IGF2BP2: variants seen among roughly 807,000 people sequenced by gnomAD.
The protein encoded by IGF2BP2 is insulin like growth factor 2 mRNA binding protein 2, also known as insulin-like growth factor 2 mRNA-binding protein 2.
IGF2BP2 carries 17 observed loss-of-function variants against 75.8 expected under a neutral mutation model. That is an observed-to-expected ratio of 0.22 (90% CI 0.15 to 0.34). IGF2BP2 has a LOEUF of 0.34. Ranked by LOEUF, IGF2BP2 falls within the 10% of genes least tolerant of loss-of-function variation. IGF2BP2 has a pLI of 1.00. For synonymous variants in IGF2BP2, 288 were observed against 295.6 expected (o/e 0.97, Z 0.26); for missense variants, 516 against 772.4 (o/e 0.67, Z 3.93).
intron 2 of IGF2BP2, among the ~76,000 whole-genome samples, chr3:185,771,300 G>C (rs965048644): frequency 3.3e-5 from 5 of 152,064 alleles, no homozygotes; most frequent in Non-Finnish European, 5.9e-5. Flanking sequence ...AAATAGCCAG[G>C]TGTGGTGGTG....
chr3:185,672,457 C>T (rs1427798058), intron 10 of IGF2BP2, 84 bp downstream of exon 10: 11 of 1,364,528 alleles, frequency 8.1e-6, no homozygotes, highest in South Asian at 5.5e-5. Flanking sequence ...TGAAAGCTTC[C>T]GTTCTGATTC....
In IGF2BP2 at chr3:185,649,006, C is replaced by G. The variant is rs568305813; in HGVS notation, c.1593+397G>C. Reference sequence around the variant, plus strand: ...TGGTCTGCCAAGTGGGTTAGCATCTCTCTCGGTGGGAATCCCCCCTTTCCA... The same window carrying G: ...TGGTCTGCCAAGTGGGTTAGCATCTGTCTCGGTGGGAATCCCCCCTTTCCA... On this transcript the variant is annotated intron_variant, in intron 14 of 15. Transcript: ENST00000382199. Among the ~76,000 whole-genome samples the G allele has an allele frequency of 5.3e-5, 8 of 152,008 alleles. No homozygotes were observed. The South Asian group carries it at 1.2e-3, about 24-fold the overall frequency.
Position 185,647,242 on chromosome 3 carries a change from G to T in IGF2BP2, c.1594-104C>A. 1.2e-6 allele frequency: 1 copy of T among 827,914 alleles called. No individual in the cohort carries two copies. Among genetic ancestry groups the T allele is most frequent in the Non-Finnish European group, 2.1e-6 (1 of 474,724 alleles). The allele number at this position is 827,914 out of a possible 1,614,324, so 51.3% of individuals were successfully genotyped here. On this transcript the variant is annotated intron_variant, in intron 14 of 15. Coordinates refer to ENST00000382199, the MANE Select transcript of IGF2BP2 (RefSeq NM_006548.6). The surrounding 1 kb of genome is among the most constrained non-coding windows in gnomAD (Gnocchi z 4.9). ...CAAGAGGTGGAGCAGGGGAAGGAGG[G>T]GGGCTGGACTCTGCTCTCCTTTCCT...
intron 2 of IGF2BP2, among the ~76,000 whole-genome samples, chr3:185,733,531 C>A (rs1309584666): frequency 1.3e-5 from 2 of 152,134 alleles, no homozygotes; most frequent in African/African-American, 2.4e-5. Context: ...CCGAGGCAGG[C>A]GGATCACCTG....
At chr3:185,698,864 G>C (rs1023841310) in intron 2 of IGF2BP2, among the ~76,000 whole-genome samples, 6 of 151,630 alleles carry the variant, frequency 4.0e-5, no homozygotes, top group Non-Finnish European at 7.4e-5. Flanking sequence ...ATCCAGGCTG[G>C]AGTGCAGTGG....
chr3:185,655,738 G>T lies in IGF2BP2; in HGVS notation c.1386+1548C>A, dbSNP rs145060931. 2.5e-3 allele frequency among the ~76,000 whole-genome samples: 381 copies of T among 152,308 alleles called. 3 individuals are homozygous for T. The highest frequency in any genetic ancestry group is 3.0e-3 in the Non-Finnish European group (207 of 68,032). On this transcript the variant is annotated intron_variant, in intron 12 of 15. Transcript: ENST00000382199. Reference sequence around the variant, plus strand: ...TCTTCTTTTCCTAAAGGCCCTGCTGGGAATGATTCTGGCATCACAGTTAGG... The same window carrying T: ...TCTTCTTTTCCTAAAGGCCCTGCTGTGAATGATTCTGGCATCACAGTTAGG...
At chr3:185,743,979 G>C (rs942746063) in intron 2 of IGF2BP2, among the ~76,000 whole-genome samples, 2 of 152,192 alleles carry the variant, frequency 1.3e-5, no homozygotes, top group Non-Finnish European at 2.9e-5. Flanking sequence ...TTTCCTGGGA[G>C]GGAAAAACTG....
chr3:185,671,854 C>T (rs899711205), intron 10 of IGF2BP2, among the ~76,000 whole-genome samples: 10 of 152,118 alleles, frequency 6.6e-5, no homozygotes, highest in African/African-American at 2.4e-4. Flanking sequence ...TAAAAATAAG[C>T]AGTCTGCGTA....
chr3:185,655,130 T>G (rs1400475311), intron 12 of IGF2BP2, among the ~76,000 whole-genome samples: 1 of 152,172 alleles, frequency 6.6e-6, no homozygotes, highest in Non-Finnish European at 1.5e-5. Flanking sequence ...CCAGATTGAT[T>G]TTTTTACTTT....
At chr3:185,726,093 A>G (rs1727287647) in intron 2 of IGF2BP2, among the ~76,000 whole-genome samples, 1 of 152,242 alleles carries the variant, frequency 6.6e-6, no homozygotes, top group Admixed American at 6.5e-5. Flanking sequence ...GAGCGGGACC[A>G]GGGTTAGCCA....
chr3:185,766,878 C>G (rs1330918916), intron 2 of IGF2BP2, among the ~76,000 whole-genome samples: 1 of 152,246 alleles, frequency 6.6e-6, no homozygotes, highest in Non-Finnish European at 1.5e-5. Context: ...CAGGGCTACA[C>G]CCCAGTTTTC....
intron 2 of IGF2BP2, chr3:185,725,201 G>A (rs540580871): frequency 4.0e-4 from 61 of 152,318 alleles, no homozygotes; most frequent in African/African-American, 1.4e-3. Flanking sequence ...GAATCTGTGA[G>A]TCTGATAATA....
At chr3:185,707,977 G>A (rs1227081884) in intron 2 of IGF2BP2, among the ~76,000 whole-genome samples, 1 of 152,190 alleles carries the variant, frequency 6.6e-6, no homozygotes, top group Admixed American at 6.5e-5. Context: ...TAATGTTTCT[G>A]AGGTAAACCC....
In IGF2BP2 at chr3:185,643,385, C is replaced by T. The variant is rs1712970817; in HGVS notation, c.*2146G>A. On this transcript the variant is annotated 3_prime_UTR_variant, in exon 16 of 16. Coordinates refer to ENST00000382199, the MANE Select transcript of IGF2BP2 (RefSeq NM_006548.6). ...CTTGACATGCAGTCGATCCATCCCT[C>T]TAGCTCCGAGGTTCGGAAACTTCAG... Among the ~76,000 whole-genome samples, 1 of 152,238 alleles carries T rather than the reference C, an allele frequency of 6.6e-6. No individual in the cohort carries two copies. Among genetic ancestry groups the T allele is most frequent in the Non-Finnish European group, 1.5e-5 (1 of 68,038 alleles).
rs745805618 is a variant in IGF2BP2 at position 185,692,730 on chromosome 3, C to T, written c.373G>A (p.Val125Ile). ...GCTTCTTCTCTTGTTGCATATGTGACGTTGACAACGGCGGTTTCTGTGTCT... is the reference window on the plus strand; with the variant it reads ...GCTTCTTCTCTTGTTGCATATGTGATGTTGACAACGGCGGTTTCTGTGTCT... The part of the protein sequence containing the change: ...NTDTETAVVN[V>I]TYATREEAKI... Residue 125 changes from valine (V) to isoleucine (I), a missense_variant, in exon 5 of 16, where the codon GTC becomes ATC. Coordinates refer to ENST00000382199, the MANE Select transcript of IGF2BP2 (RefSeq NM_006548.6). 9.9e-6 allele frequency: 16 copies of T among 1,613,722 alleles called. No homozygotes were observed. The highest frequency in any genetic ancestry group is 2.7e-5 in the African/African-American group (2 of 74,908).
chr3:185,815,732 A>AT (rs1002642909), intron 2 of IGF2BP2, among the ~76,000 whole-genome samples: 5 of 150,816 alleles, frequency 3.3e-5, no homozygotes, highest in East Asian at 1.9e-4. Context: ...TCTTTCACCT[A>AT]TTTTTTTTTC....
At chr3:185,722,840 A>G (rs1726770209) in intron 2 of IGF2BP2, among the ~76,000 whole-genome samples, 1 of 152,252 alleles carries the variant, frequency 6.6e-6, no homozygotes, top group African/African-American at 2.4e-5. Context: ...TATATGTGCT[A>G]TAAACATATA....
rs148342900 is a variant in IGF2BP2 at position 185,782,347 on chromosome 3, T to C, written c.239+40806A>G. The stretch of plus-strand genomic sequence containing the variant: ...ACGGCTAATTTCTAATATTGGTCCA[T>C]TTGACTCCAAAATCTACCCCTTTTC... On this transcript the variant is annotated intron_variant, in intron 2 of 15. Transcript: ENST00000382199. 8.6e-4 allele frequency among the ~76,000 whole-genome samples: 131 copies of C among 152,284 alleles called. No individual in the cohort carries two copies. The East Asian group carries it at 0.015, about 17-fold the overall frequency.
At position 185,676,323 on chromosome 3, in the gene IGF2BP2, C is replaced by T. The variant is rs77143468; in HGVS notation, c.813-410G>A. On this transcript the variant is annotated intron_variant, in intron 7 of 15. Transcript: ENST00000382199. ...AATTAACAAGAGATAGACCAGAACA[C>T]CTCTGTGAGAACTCTAAAGATCAGC... 2.6e-3 allele frequency among the ~76,000 whole-genome samples: 398 copies of T among 152,254 alleles called. 1 individual carries two copies. Among genetic ancestry groups the T allele is most frequent in the African/African-American group, 9.1e-3 (378 of 41,544 alleles).
Sources: gnomAD v4.1 joint callset for allele counts (sites outside exome capture counted in the v4.1 genomes callset) on GRCh38, gnomAD v4.1.1 for gene constraint, Gnocchi (gnomAD v3.1) non-coding constraint, MANE v1.5 for transcripts, NCBI Gene and HGNC (gene_info 2026-07-23, HGNC 2026-07-21) for gene names.